The following AHCYL2 variants were observed in gnomAD, a reference collection of about 807,000 sequenced individuals.
The protein encoded by AHCYL2 is adenosylhomocysteinase like 2.
Under a neutral mutation model 81.4 loss-of-function variants are expected in AHCYL2, and 28 were observed. That is an observed-to-expected ratio of 0.34 (90% confidence interval 0.25 to 0.47). The LOEUF is 0.47. Ranked by LOEUF, AHCYL2 falls within the 20% of genes least tolerant of loss-of-function variation. AHCYL2 has a pLI of 1.00. For synonymous variants in AHCYL2, 272 were observed against 290.2 expected, an observed-to-expected ratio of 0.94 and a Z score of 0.64; for missense variants, 551 against 785.1, an observed-to-expected ratio of 0.70 and a Z score of 3.56.
intron 1 of AHCYL2, among the ~76,000 whole-genome samples, chr7:129,250,419 G>T (rs1311169517): frequency 6.6e-6 from 1 of 152,170 alleles, no homozygotes; most frequent in Non-Finnish European, 1.5e-5. Context: ...TAATAAACTT[G>T]TGTATTTAGT....
At position 129,225,376 on chromosome 7, in the gene AHCYL2, C is replaced by G; in HGVS notation, c.300C>G (p.Asp100Glu). Residue 100 changes from aspartate to glutamate, a missense_variant, in exon 1 of 17, where the codon GAC becomes GAG. Around this residue, in one of 2 missense-constraint regions of AHCYL2, gnomAD observed 235 missense variants for 242.1 expected, o/e 0.97. Transcript: ENST00000325006. ...DPHHQHQRHRDGGEALVSPDG... is the reference protein window; with the variant it reads ...DPHHQHQRHREGGEALVSPDG... ...ATCACCAGCACCAGCGGCACCGCGACGGCGGCGAGGCCCTGGTCAGCCCCG... is the reference window on the plus strand; with the variant it reads ...ATCACCAGCACCAGCGGCACCGCGAGGGCGGCGAGGCCCTGGTCAGCCCCG... 6.6e-7 allele frequency: 1 copy of G among 1,516,262 alleles called. No homozygotes were observed. The highest frequency in any genetic ancestry group is 8.8e-7 in the Non-Finnish European group (1 of 1,138,292). The allele number at this position is 1,516,262 out of a possible 1,614,324, so 93.9% of individuals were successfully genotyped here.
At chr7:129,322,178 T>TA (rs1189684972) in intron 1 of AHCYL2, among the ~76,000 whole-genome samples, 1 of 152,066 alleles carries the variant, frequency 6.6e-6, no homozygotes, top group African/African-American at 2.4e-5. Flanking sequence ...TTTGCCCTGT[T>TA]ACCCAGGCTG....
intron 1 of AHCYL2, among the ~76,000 whole-genome samples, chr7:129,249,660 C>T (rs1795183970): frequency 6.6e-6 from 1 of 151,366 alleles, no homozygotes. Context: ...CTCCTGACCT[C>T]ATGATCCACC....
At chr7:129,245,119 G>C (rs1232086226) in intron 1 of AHCYL2, among the ~76,000 whole-genome samples, 4 of 151,338 alleles carry the variant, frequency 2.6e-5, no homozygotes, top group African/African-American at 9.7e-5. Context: ...CCGCCTCCTG[G>C]GCTCAAGTGA....
intron 1 of AHCYL2, among the ~76,000 whole-genome samples, chr7:129,364,358 G>A (rs557989473): frequency 6.6e-6 from 1 of 152,156 alleles, no homozygotes; most frequent in East Asian, 1.9e-4. Flanking sequence ...GCAGTGGCGC[G>A]ATCTCGGCTC....
chr7:129,263,746 T>C (rs1486593824), intron 1 of AHCYL2, among the ~76,000 whole-genome samples: 2 of 152,204 alleles, frequency 1.3e-5, no homozygotes, highest in Non-Finnish European at 2.9e-5. Flanking sequence ...ATATGGAGAA[T>C]GGGGAGAATG....
chr7:129,276,038 A>G (rs1343895044), intron 1 of AHCYL2, among the ~76,000 whole-genome samples: 1 of 152,192 alleles, frequency 6.6e-6, no homozygotes, highest in East Asian at 1.9e-4. Context: ...CTATTCTCGT[A>G]CTCAATTCAG....
chr7:129,290,140 C>T (rs1796784349), intron 1 of AHCYL2, among the ~76,000 whole-genome samples: 1 of 152,090 alleles, frequency 6.6e-6, no homozygotes, highest in African/African-American at 2.4e-5. Flanking sequence ...TCTTTCTGTC[C>T]ATGGTGCCTA....
chr7:129,302,391 G>A (rs73472326), intron 1 of AHCYL2, among the ~76,000 whole-genome samples: 2,041 of 152,162 alleles, frequency 0.013, 45 homozygotes, highest in African/African-American at 0.046. Flanking sequence ...AGGACTTCCA[G>A]TACTATATTG....
At chr7:129,279,620 A>G (rs1796356605) in intron 1 of AHCYL2, among the ~76,000 whole-genome samples, 1 of 152,218 alleles carries the variant, frequency 6.6e-6, no homozygotes, top group Admixed American at 6.5e-5. Flanking sequence ...AAGGAATAAA[A>G]GAATGGCTGC....
In AHCYL2 at chr7:129,426,140, C is replaced by T. The variant is rs1418372268; in HGVS notation, c.1709-303C>T. 6.6e-6 allele frequency among the ~76,000 whole-genome samples: 1 copy of T among 152,212 alleles called. No individual in the cohort carries two copies. Among genetic ancestry groups the T allele is most frequent in the East Asian group, 1.9e-4 (1 of 5,200 alleles). On this transcript the variant is annotated intron_variant, in intron 15 of 16. Transcript: ENST00000325006. This position sits in a 1 kb window ranked among gnomAD's most constrained non-coding sequence, Gnocchi z 4.3. ...TCCCATTATTTAGTTCCCACATTAT[C>T]CTATTCCTTCTTTTAAATCTTAATG...
At chr7:129,354,581 A>G (rs1055067067) in intron 1 of AHCYL2, among the ~76,000 whole-genome samples, 5 of 152,194 alleles carry the variant, frequency 3.3e-5, no homozygotes, top group East Asian at 1.9e-4. Context: ...TAGTCTGCCT[A>G]TGTATGGTTC....
chr7:129,375,091 T>G (rs1300176695), intron 1 of AHCYL2, among the ~76,000 whole-genome samples: 1 of 152,172 alleles, frequency 6.6e-6, no homozygotes. Context: ...GTCCCTTCCA[T>G]GAACACACAT....
chr7:129,428,291 A>G lies in AHCYL2; in HGVS notation c.*1246A>G, dbSNP rs1003808230. ...TTTATGATTTAACCTCTTCCATTTG[A>G]TGATTCTGTATTTCAGAGTCAGTTT... On this transcript the variant is annotated 3_prime_UTR_variant, in exon 17 of 17. Coordinates refer to ENST00000325006, the MANE Select transcript of AHCYL2 (RefSeq NM_015328.4). 2 of 152,138 alleles carry G rather than the reference A, an allele frequency of 1.3e-5. No individual in the cohort carries two copies. The highest frequency in any genetic ancestry group is 4.8e-5 in the African/African-American group (2 of 41,412). The allele number at this position is 152,138 out of a possible 1,614,324, so 9.4% of individuals were successfully genotyped here.
At chr7:129,233,192 T>C (rs1262237521) in intron 1 of AHCYL2, among the ~76,000 whole-genome samples, 1 of 152,220 alleles carries the variant, frequency 6.6e-6, no homozygotes, top group Non-Finnish European at 1.5e-5. Flanking sequence ...CTTTCTCTTT[T>C]CTTTTTTACT....
At chr7:129,336,476 A>T (rs550399280) in intron 1 of AHCYL2, among the ~76,000 whole-genome samples, 5 of 152,284 alleles carry the variant, frequency 3.3e-5, no homozygotes, top group African/African-American at 1.2e-4. Context: ...TGGTAACTTA[A>T]TCCAGATAGT....
At chr7:129,385,107 G>A (rs866636809) in intron 2 of AHCYL2, among the ~76,000 whole-genome samples, 5 of 152,280 alleles carry the variant, frequency 3.3e-5, no homozygotes, top group African/African-American at 9.6e-5. Flanking sequence ...CCTTCTTCAC[G>A]ATTGGTTCTT....
At chr7:129,374,525 C>T (rs544987976) in intron 1 of AHCYL2, among the ~76,000 whole-genome samples, 3 of 151,640 alleles carry the variant, frequency 2.0e-5, no homozygotes, top group Non-Finnish European at 4.4e-5. Flanking sequence ...AAAAATCTGC[C>T]GGCTGGGTAC....
At chr7:129,300,137 A>G (rs1797207807) in intron 1 of AHCYL2, among the ~76,000 whole-genome samples, 1 of 152,218 alleles carries the variant, frequency 6.6e-6, no homozygotes, top group Non-Finnish European at 1.5e-5. Flanking sequence ...CATTTATCAT[A>G]TTACAATCCT....
Sources: gnomAD v4.1 joint callset for allele counts (sites outside exome capture counted in the v4.1 genomes callset) on GRCh38, gnomAD v4.1.1 for gene constraint, gnomAD v4.1.1 regional missense constraint, Gnocchi (gnomAD v3.1) non-coding constraint, MANE v1.5 for transcripts, NCBI Gene and HGNC (gene_info 2026-07-23, HGNC 2026-07-21) for gene names.